SLC4A7: variants seen among roughly 807,000 people sequenced by gnomAD.
The protein encoded by SLC4A7 is solute carrier family 4 member 7, also known as sodium bicarbonate cotransporter 3.
In SLC4A7, 51 loss-of-function variants were observed where a neutral mutation model predicts 137.6. The observed-to-expected ratio is 0.37, with a 90% CI of 0.30 to 0.47. The LOEUF is 0.47. SLC4A7 is among the 20% of genes least tolerant of loss of function. The probability of loss-of-function intolerance (pLI) is 1.00; values close to 1 mark genes in which losing one functional copy is unlikely to be tolerated. For missense variants in SLC4A7, 1,247 were observed against 1,525.4 expected (o/e 0.82, Z 3.04); for synonymous variants, 542 against 518.6 (o/e 1.05, Z -0.61).
intron 15 of SLC4A7, among the ~76,000 whole-genome samples, chr3:27,401,973 C>T (rs2052789636): frequency 6.6e-6 from 1 of 152,158 alleles, no homozygotes; most frequent in Non-Finnish European, 1.5e-5. Context: ...TCAATGTCTT[C>T]CAGGAATTTT....
At chr3:27,389,516 C>A (rs2051313925) in intron 22 of SLC4A7, among the ~76,000 whole-genome samples, 1 of 152,028 alleles carries the variant, frequency 6.6e-6, no homozygotes, top group Non-Finnish European at 1.5e-5. Flanking sequence ...ATTATATTGT[C>A]TTATTAAAGT....
intron 10 of SLC4A7, 24 bp downstream of exon 10, chr3:27,420,676 A>G (rs1318326367): frequency 7.0e-7 from 1 of 1,434,248 alleles, no homozygotes; most frequent in Non-Finnish European, 9.8e-7. Flanking sequence ...TCTACTTCAA[A>G]GAGACTTGGA....
At chr3:27,459,954 C>G (rs1355395906) in intron 1 of SLC4A7, among the ~76,000 whole-genome samples, 1 of 147,910 alleles carries the variant, frequency 6.8e-6, no homozygotes, top group Non-Finnish European at 1.5e-5. Context: ...AATCTCTCTT[C>G]CACATCTCAG....
At chr3:27,401,061 A>G in intron 15 of SLC4A7, 192 bp from the exon 16 acceptor site, 1 of 428,140 alleles carries the variant, frequency 2.3e-6, no homozygotes. Flanking sequence ...ATAAAATAAA[A>G]CCAATACAAA....
chr3:27,447,387 A>G (rs2057737699), intron 3 of SLC4A7, among the ~76,000 whole-genome samples: 1 of 152,214 alleles, frequency 6.6e-6, no homozygotes, highest in African/African-American at 2.4e-5. Flanking sequence ...TTACTATGCC[A>G]TCAGTATTTT....
chr3:27,475,742 G>A (rs1559853286), intron 1 of SLC4A7, among the ~76,000 whole-genome samples: 1 of 152,120 alleles, frequency 6.6e-6, no homozygotes, highest in Non-Finnish European at 1.5e-5. Flanking sequence ...GGATAAGGAA[G>A]TTCCTCTTGG....
intron 1 of SLC4A7, among the ~76,000 whole-genome samples, chr3:27,464,786 C>T (rs1295796844): frequency 6.6e-6 from 1 of 152,016 alleles, no homozygotes; most frequent in African/African-American, 2.4e-5. Context: ...AGACAATTTA[C>T]GAGCACTGGG....
intron 5 of SLC4A7, 55 bp from the exon 6 acceptor site, chr3:27,434,159 G>A (rs978465338): frequency 2.3e-6 from 3 of 1,303,406 alleles, no homozygotes; most frequent in African/African-American, 3.0e-5. Flanking sequence ...CATAATATAG[G>A]AATAAACTGT....
At chr3:27,398,503 C>A (rs2052426591) in intron 16 of SLC4A7, 150 bp from the exon 17 acceptor site, 1 of 575,356 alleles carries the variant, frequency 1.7e-6, no homozygotes, top group Non-Finnish European at 3.0e-6. Context: ...GTCCAGCCAA[C>A]TATAACACAC....
At chr3:27,411,786 T>C in intron 11 of SLC4A7, 38 bp from the exon 12 acceptor site, 1 of 1,220,558 alleles carries the variant, frequency 8.2e-7, no homozygotes, top group Non-Finnish European at 1.1e-6. Flanking sequence ...AGAATTCTAT[T>C]TTAAGAAAAC....
At chr3:27,420,117 A>T (rs184444858) in intron 10 of SLC4A7, among the ~76,000 whole-genome samples, 1 of 151,936 alleles carries the variant, frequency 6.6e-6, no homozygotes, top group African/African-American at 2.4e-5. Context: ...GTGAGCCGAG[A>T]TTGCACCACT....
Position 27,433,940 on chromosome 3 carries a change from C to A in SLC4A7, c.754G>T (p.Asp252Tyr). ...SFADIGKKHS[D>Y]PHLLERNGEG... ...CCATTCCTTTCAAGCAAGTGAGGGT[C>A]AGAATGTTTCTTGCCTATATCTGCA... The change falls in exon 6 of 26, where the codon GAC becomes TAC. Residue 252 changes from aspartate to tyrosine, a missense_variant. Physicochemically the swap from Asp to Tyr is radical, Grantham distance 160 (BLOSUM62 -3). This residue lies in a region of SLC4A7 where 223 missense variants were observed against 203.6 expected (regional missense o/e 1.10). Transcript: ENST00000454389. 1 of 1,613,680 alleles carries A rather than the reference C, an allele frequency of 6.2e-7. No individual in the cohort carries two copies. The highest frequency in any genetic ancestry group is 1.1e-5 in the South Asian group (1 of 91,004).
intron 24 of SLC4A7, among the ~76,000 whole-genome samples, chr3:27,382,280 T>C (rs1410948735): frequency 1.8e-4 from 27 of 151,934 alleles, no homozygotes; most frequent in Admixed American, 1.8e-3. Flanking sequence ...CACACCCAGC[T>C]AATTTTTGTA....
At position 27,423,750 on chromosome 3, in the gene SLC4A7, A is replaced by G. The variant is rs1164443021; in HGVS notation, c.1266+287T>C. 1.9e-5 allele frequency: 5 copies of G among 265,486 alleles called. No homozygotes were observed. In the South Asian group the frequency reaches 2.1e-4, roughly 11 times the overall value. The allele number at this position is 265,486 out of a possible 1,614,324, so 16.4% of individuals were successfully genotyped here. ...GTTCAAAAAGTACTGACGTTTCACG[A>G]TATCTATGGGTAGGTATGGATGGAA... is the stretch of plus-strand genomic sequence containing the variant. On this transcript the variant is annotated intron_variant, in intron 8 of 25. Coordinates refer to ENST00000454389, the MANE Select transcript of SLC4A7 (RefSeq NM_001321103.2).
At chr3:27,387,548 G>A (rs993333616) in intron 22 of SLC4A7, among the ~76,000 whole-genome samples, 2 of 151,894 alleles carry the variant, frequency 1.3e-5, no homozygotes, top group African/African-American at 2.4e-5. Context: ...ATTTAAATGC[G>A]ATTTTTCAGA....
chr3:27,477,129 T>C (rs1354568961), intron 1 of SLC4A7, among the ~76,000 whole-genome samples: 1 of 152,240 alleles, frequency 6.6e-6, no homozygotes, highest in African/African-American at 2.4e-5. Context: ...ACTTCAGCAT[T>C]ATTCTAGGCC....
rs535915105 is a variant in SLC4A7, at chr3:27,427,649, C to CCAGGCATCAA, written c.1151-3507_1151-3498dup. ...GCCACTTTCTTCCACTAAGACAGTA[C>CCAGGCATCAA]CAGGCATCAAGGAAACTCCATTAGA... is the stretch of plus-strand genomic sequence containing the variant. On this transcript the variant is annotated intron_variant, in intron 7 of 25. Coordinates refer to ENST00000454389, the MANE Select transcript of SLC4A7 (RefSeq NM_001321103.2). 1.6e-3 allele frequency among the ~76,000 whole-genome samples: 248 copies of CCAGGCATCAA among 152,152 alleles called. 6 individuals are homozygous for CCAGGCATCAA. Among genetic ancestry groups the CCAGGCATCAA allele is most frequent in the Admixed American group, 0.014 (208 of 15,266 alleles).
intron 23 of SLC4A7, among the ~76,000 whole-genome samples, chr3:27,384,873 G>A (rs2050779893): frequency 6.6e-6 from 1 of 151,944 alleles, no homozygotes; most frequent in Non-Finnish European, 1.5e-5. Context: ...GGGAGGTTGA[G>A]GTGGTTGCAG....
chr3:27,467,910 T>A (rs2059075781), intron 1 of SLC4A7, among the ~76,000 whole-genome samples: 1 of 152,154 alleles, frequency 6.6e-6, no homozygotes, highest in African/African-American at 2.4e-5. Context: ...CAGAAAAAAA[T>A]TATCAAGGCA....
Sources: gnomAD v4.1 joint callset for allele counts (sites outside exome capture counted in the v4.1 genomes callset) on GRCh38, gnomAD v4.1.1 for gene constraint, gnomAD v4.1.1 regional missense constraint, MANE v1.5 for transcripts, NCBI Gene and HGNC (gene_info 2026-07-23, HGNC 2026-07-21) for gene names.